The following HDAC9 variants were observed in gnomAD, a reference collection of about 807,000 sequenced individuals.
The protein encoded by HDAC9 is histone deacetylase 9, also known as MEF-2 interacting transcription repressor (MITR) protein.
In HDAC9, 41 loss-of-function variants were observed where a neutral mutation model predicts 139.4. The observed-to-expected ratio is 0.29, with a 90% CI of 0.23 to 0.38. HDAC9 has a LOEUF of 0.38. HDAC9 is among the 10% of genes least tolerant of loss of function. The pLI, the probability that HDAC9 is intolerant of heterozygous loss-of-function variation, is 1.00. For synonymous variants in HDAC9, 517 were observed against 476.2 expected (o/e 1.09, Z -1.12); for missense variants, 1,147 against 1,297.0 (o/e 0.88, Z 1.78).
intron 13 of HDAC9, among the ~76,000 whole-genome samples, chr7:18,740,527 C>G (rs77682322): frequency 0.045 from 6,890 of 152,246 alleles, 340 homozygotes; most frequent in East Asian, 0.1. Context: ...CTCCACTAAG[C>G]GGGCATGGCC....
intron 1 of HDAC9, among the ~76,000 whole-genome samples, chr7:18,449,888 T>A (rs566130953): frequency 2.8e-4 from 43 of 152,342 alleles, no homozygotes; most frequent in Middle Eastern, 3.4e-3. Flanking sequence ...TCTATACTCA[T>A]GTCTTTTCTA....
At chr7:18,552,120 CT>C (rs1817349579) in intron 2 of HDAC9, among the ~76,000 whole-genome samples, 2 of 152,168 alleles carry the variant, frequency 1.3e-5, no homozygotes, top group Admixed American at 6.5e-5. Context: ...TCATTTCAAA[CT>C]GTGACAAATA....
rs568678728 is a variant in HDAC9 at position 18,630,355 on chromosome 7, T to C, written c.796+874T>C. Among the ~76,000 whole-genome samples, 188 of 152,192 alleles carry C rather than the reference T, an allele frequency of 1.2e-3. 2 individuals carry two copies. Among genetic ancestry groups the C allele is most frequent in the Non-Finnish European group, 2.2e-3 (149 of 67,984 alleles). Reference sequence around the variant, plus strand: ...CAATGTGGGCAGTTGGTATTAGTTCTCCAAGATCAGATCTTATTTTTAGTA... The same window carrying C: ...CAATGTGGGCAGTTGGTATTAGTTCCCCAAGATCAGATCTTATTTTTAGTA... On this transcript the variant is annotated intron_variant, in intron 7 of 25. Transcript: ENST00000686413.
At chr7:18,497,799 G>A (rs887676812) in intron 2 of HDAC9, among the ~76,000 whole-genome samples, 1 of 152,066 alleles carries the variant, frequency 6.6e-6, no homozygotes, top group African/African-American at 2.4e-5. Context: ...CCTCACTTCT[G>A]TGTTACAAGT....
chr7:18,126,326 A>C (rs1784668109), intron 1 of HDAC9, among the ~76,000 whole-genome samples: 1 of 152,166 alleles, frequency 6.6e-6, no homozygotes, highest in African/African-American at 2.4e-5. Context: ...CCCCAGGTGA[A>C]TGATAGCGTT....
intron 1 of HDAC9, among the ~76,000 whole-genome samples, chr7:18,428,431 A>T (rs1264811383): frequency 6.6e-6 from 1 of 152,238 alleles, no homozygotes; most frequent in Non-Finnish European, 1.5e-5. Flanking sequence ...AAGAAAATTA[A>T]TAATCTCATT....
intron 25 of HDAC9, among the ~76,000 whole-genome samples, chr7:18,976,323 A>C (rs1365650505): frequency 6.6e-6 from 1 of 152,170 alleles, no homozygotes; most frequent in Non-Finnish European, 1.5e-5. Context: ...TTCTTTCTCT[A>C]ATCATTTTGA....
chr7:18,208,365 A>G (rs1282502681), intron 2 of HDAC9, among the ~76,000 whole-genome samples: 2 of 139,390 alleles, frequency 1.4e-5, no homozygotes, highest in East Asian at 4.4e-4. Context: ...AAAATGTCTG[A>G]GAGTATCTTT....
At chr7:18,629,889 T>G (rs1482277017) in intron 7 of HDAC9, among the ~76,000 whole-genome samples, 1 of 152,084 alleles carries the variant, frequency 6.6e-6, no homozygotes, top group Admixed American at 6.6e-5. Context: ...TCTGGGAAAA[T>G]TAAACTACAT....
intron 23 of HDAC9, among the ~76,000 whole-genome samples, chr7:18,939,675 A>G (rs1262056338): frequency 6.6e-6 from 1 of 152,346 alleles, no homozygotes; most frequent in Non-Finnish European, 1.5e-5. Flanking sequence ...GCATATATGT[A>G]GTTTTCACAG....
chr7:18,821,520 G>A (rs1485056544), intron 17 of HDAC9, among the ~76,000 whole-genome samples: 2 of 152,140 alleles, frequency 1.3e-5, no homozygotes, highest in African/African-American at 4.8e-5. Flanking sequence ...CAAGATGAAT[G>A]GTGATACAAA....
chr7:18,980,778 C>CTCT (rs774018409), intron 25 of HDAC9, among the ~76,000 whole-genome samples: 1 of 95,960 alleles, frequency 1.0e-5, no homozygotes, highest in Non-Finnish European at 2.2e-5. Context: ...CTTCTTCTTC[C>CTCT]TCTTCTTCTT....
At chr7:18,349,973 T>C (rs1206872500) in intron 1 of HDAC9, among the ~76,000 whole-genome samples, 6 of 152,168 alleles carry the variant, frequency 3.9e-5, no homozygotes, top group Admixed American at 1.3e-4. Flanking sequence ...GAATACTTCG[T>C]TTGTGCCAGT....
chr7:18,730,095 T>C (rs1049363953), intron 13 of HDAC9, among the ~76,000 whole-genome samples: 2 of 152,198 alleles, frequency 1.3e-5, no homozygotes, highest in African/African-American at 4.8e-5. Context: ...ACGCACAATA[T>C]TTTAAAATCA....
At chr7:18,425,126 G>A (rs1227359033) in intron 1 of HDAC9, among the ~76,000 whole-genome samples, 1 of 152,142 alleles carries the variant, frequency 6.6e-6, no homozygotes, top group African/African-American at 2.4e-5. Context: ...ATAGCATGCA[G>A]CAAGTTGAAC....
At chr7:18,438,645 C>CGTGTGTGTGTGT (rs5882662) in intron 1 of HDAC9, among the ~76,000 whole-genome samples, 1 of 147,950 alleles carries the variant, frequency 6.8e-6, no homozygotes, top group African/African-American at 2.5e-5. Flanking sequence ...GCTGTGTGTG[C>CGTGTGTGTGTGT]GTGTGTGTGT....
intron 2 of HDAC9, among the ~76,000 whole-genome samples, chr7:18,507,413 T>C (rs1800137717): frequency 6.6e-6 from 1 of 151,876 alleles, no homozygotes; most frequent in Non-Finnish European, 1.5e-5. Flanking sequence ...CAGGATGGTC[T>C]AGATCTCCTG....
At chr7:18,301,200 C>A (rs1460528663) in intron 1 of HDAC9, among the ~76,000 whole-genome samples, 1 of 151,878 alleles carries the variant, frequency 6.6e-6, no homozygotes, top group Admixed American at 6.6e-5. Context: ...TTAAATTGCT[C>A]AATTGAAACT....
chr7:18,598,193 C>T (rs1007331055), intron 6 of HDAC9, among the ~76,000 whole-genome samples: 1 of 152,120 alleles, frequency 6.6e-6, no homozygotes, highest in African/African-American at 2.4e-5. Context: ...GAATTGCATA[C>T]ATGAACATTA....
Sources: allele counts gnomAD v4.1 joint callset (sites outside exome capture counted in the v4.1 genomes callset), GRCh38; gene constraint gnomAD v4.1.1; transcripts MANE v1.5; gene names NCBI Gene and HGNC (gene_info 2026-07-23, HGNC 2026-07-21).